Variants in DCP1A observed in about 807,000 individuals in gnomAD.
DCP1A encodes mRNA-decapping enzyme 1A.
Under a neutral mutation model 58.0 loss-of-function variants are expected in DCP1A, and 20 were observed. The observed-to-expected ratio is 0.34, with a 90% CI of 0.24 to 0.50. The LOEUF (loss-of-function observed/expected upper bound fraction) is 0.50. Among genes scored for constraint, DCP1A ranks in the 20% least tolerant of loss-of-function variants. The pLI is 0.98. For missense variants in DCP1A, 613 were observed against 712.2 expected, an observed-to-expected ratio of 0.86 and a Z score of 1.59; for synonymous variants, 285 against 275.1, an observed-to-expected ratio of 1.04 and a Z score of -0.36.
chr3:53,306,931 C>CTTTTTTTT (rs1159787111), intron 5 of DCP1A, among the ~76,000 whole-genome samples: 1 of 101,558 alleles, frequency 9.8e-6, no homozygotes, highest in Non-Finnish European at 1.9e-5. Context: ...CCAGGCTGTT[C>CTTTTTTTT]TTTTTTTTTT....
At position 53,285,583 on chromosome 3, in the gene DCP1A, T is replaced by A. The variant is rs532660761; in HGVS notation, c.*1997A>T. 1.4e-4 allele frequency: 21 copies of A among 152,216 alleles called. No individual in the cohort carries two copies. Among genetic ancestry groups the A allele is most frequent in the Non-Finnish European group, 5.9e-5 (4 of 68,038 alleles). The allele number at this position is 152,216 out of a possible 1,614,324, so 9.4% of individuals were successfully genotyped here. ...TAGATGCTCTTTACTGTCTATCATA[T>A]CCATTCCTAGCATTAAAGGTGAAAA... On this transcript the variant is annotated 3_prime_UTR_variant, in exon 10 of 10. Transcript: ENST00000610213.
At chr3:53,308,572 G>A (rs901952603) in intron 5 of DCP1A, among the ~76,000 whole-genome samples, 3 of 152,086 alleles carry the variant, frequency 2.0e-5, no homozygotes, top group African/African-American at 4.8e-5. Flanking sequence ...TAGCCACAGC[G>A]CCTGGCCTAT....
At chr3:53,345,472 T>G (rs905922591) in intron 1 of DCP1A, among the ~76,000 whole-genome samples, 3 of 152,176 alleles carry the variant, frequency 2.0e-5, no homozygotes, top group Non-Finnish European at 4.4e-5. Context: ...TTTTTAGAAC[T>G]TGAAGAATCT....
In DCP1A at chr3:53,302,317, G is replaced by A. The variant is rs150623872; in HGVS notation, c.624+1860C>T. On this transcript the variant is annotated intron_variant, in intron 6 of 9. Coordinates refer to ENST00000610213, the MANE Select transcript of DCP1A (RefSeq NM_018403.7). ...ACAAAAAGTCTACTTAAAAACCTAC[G>A]GATTTTATTTGATATCTGTTCTTTT... Among the ~76,000 whole-genome samples the A allele has an allele frequency of 5.7e-3, 868 of 152,128 alleles. 3 individuals carry two copies. Among genetic ancestry groups the A allele is most frequent in the Non-Finnish European group, 9.0e-3 (609 of 68,008 alleles).
At chr3:53,308,003 A>G (rs782493549) in intron 5 of DCP1A, among the ~76,000 whole-genome samples, 1 of 152,208 alleles carries the variant, frequency 6.6e-6, no homozygotes, top group Non-Finnish European at 1.5e-5. Context: ...CTGTCAATAA[A>G]AAAGATAGTT....
At chr3:53,314,438 G>C (rs1010784723) in intron 4 of DCP1A, among the ~76,000 whole-genome samples, 1 of 151,994 alleles carries the variant, frequency 6.6e-6, no homozygotes, top group African/African-American at 2.4e-5. Context: ...GACTGGTATG[G>C]GATATGAGAA....
intron 8 of DCP1A, 22 bp from the exon 9 acceptor site, chr3:53,288,305 T>G: frequency 1.3e-6 from 2 of 1,582,332 alleles, no homozygotes; most frequent in Non-Finnish European, 8.6e-7. Context: ...CAATGGTCAT[T>G]TTGTACCGAA....
intron 3 of DCP1A, among the ~76,000 whole-genome samples, chr3:53,326,837 T>C (rs1185652523): frequency 6.6e-6 from 1 of 152,194 alleles, no homozygotes; most frequent in Non-Finnish European, 1.5e-5. Flanking sequence ...AAATGTAATG[T>C]GTTTGAATCA....
rs376692040 is a variant in DCP1A at position 53,292,312 on chromosome 3, G to A, written c.1140C>T (p.Asn380=). ...GGGATGTGCCAGCTGTGTTCGTCAC[G>A]TTCAATGGGGCCCTGAAGGGGCTCT... The part of the protein sequence containing the change: ...ANQSPFRAPL[N]VTNTAGTSLP... Residue 380 remains asparagine (N), a synonymous_variant, in exon 7 of 10, where the codon AAC becomes AAT. Transcript: ENST00000610213. The A allele has an allele frequency of 2.9e-5, 47 of 1,613,458 alleles. No individual in the cohort carries two copies. The highest frequency in any genetic ancestry group is 1.6e-4 in the Middle Eastern group (1 of 6,084).
intron 4 of DCP1A, among the ~76,000 whole-genome samples, chr3:53,318,095 G>A (rs1270472078): frequency 2.6e-5 from 4 of 152,208 alleles, no homozygotes; most frequent in African/African-American, 9.6e-5. Flanking sequence ...CTTGAGCCTA[G>A]GACTTCAAGA....
intron 8 of DCP1A, among the ~76,000 whole-genome samples, chr3:53,289,778 A>T (rs782675244): frequency 6.6e-6 from 1 of 152,190 alleles, no homozygotes; most frequent in Non-Finnish European, 1.5e-5. Context: ...ACCAGTAATA[A>T]TCAGTATTTT....
intron 6 of DCP1A, 106 bp from the exon 7 acceptor site, chr3:53,292,933 A>T: frequency 8.6e-7 from 1 of 1,160,188 alleles, no homozygotes; most frequent in Non-Finnish European, 1.2e-6. Flanking sequence ...GGATGGATGG[A>T]GTATCAAAAT....
chr3:53,315,032 T>G (rs1415698658), intron 4 of DCP1A, among the ~76,000 whole-genome samples: 1 of 152,090 alleles, frequency 6.6e-6, no homozygotes, highest in African/African-American at 2.4e-5. Context: ...GGGGTGGTAA[T>G]GGAAGGGACT....
At chr3:53,343,767 A>G (rs1378228532) in intron 2 of DCP1A, among the ~76,000 whole-genome samples, 4 of 152,168 alleles carry the variant, frequency 2.6e-5, no homozygotes, top group Non-Finnish European at 5.9e-5. Context: ...GCCTGCCACC[A>G]TGCCCAGCTA....
Position 53,335,163 on chromosome 3 carries a change from C to A in DCP1A, c.304+6981G>T, listed in dbSNP as rs144010337. On this transcript the variant is annotated intron_variant, in intron 3 of 9. Coordinates refer to ENST00000610213, the MANE Select transcript of DCP1A (RefSeq NM_018403.7). ...ATTTTTATTTATTTATTTTTTGAGA[C>A]AGAGTCTCACTCTGTCACCTAGGCT... Among the ~76,000 whole-genome samples, 1,444 of 151,434 alleles carry A rather than the reference C, an allele frequency of 9.5e-3. 23 individuals are homozygous for A. Among genetic ancestry groups the A allele is most frequent in the African/African-American group, 0.033 (1,380 of 41,268 alleles).
At chr3:53,306,091 A>G (rs1707462035) in intron 5 of DCP1A, among the ~76,000 whole-genome samples, 2 of 152,144 alleles carry the variant, frequency 1.3e-5, no homozygotes, top group Admixed American at 6.5e-5. Context: ...TCACAGACAG[A>G]TTTTCTTGAT....
chr3:53,342,314 A>C, intron 2 of DCP1A, 43 bp from the exon 3 acceptor site: 9 of 1,387,938 alleles, frequency 6.5e-6, no homozygotes, highest in Non-Finnish European at 9.0e-6. Context: ...GTTACCATTT[A>C]ATCTGTAGAA....
At chr3:53,332,291 C>A (rs1278097038) in intron 3 of DCP1A, among the ~76,000 whole-genome samples, 1 of 152,112 alleles carries the variant, frequency 6.6e-6, no homozygotes, top group African/African-American at 2.4e-5. Flanking sequence ...AGTCTATTGG[C>A]CCAATTATTT....
chr3:53,317,310 C>T (rs1707842306), intron 4 of DCP1A, among the ~76,000 whole-genome samples: 1 of 152,186 alleles, frequency 6.6e-6, no homozygotes, highest in African/African-American at 2.4e-5. Flanking sequence ...GGATTACAGG[C>T]ATGCACCACC....
Sources: gnomAD v4.1 joint callset for allele counts (sites outside exome capture counted in the v4.1 genomes callset) on GRCh38, gnomAD v4.1.1 for gene constraint, MANE v1.5 for transcripts, NCBI Gene and HGNC (gene_info 2026-07-23, HGNC 2026-07-21) for gene names.